MALRD1: variants seen among roughly 807,000 people sequenced by gnomAD.
MALRD1 encodes MAM and LDL receptor class A domain containing 1.
In MALRD1, 247 loss-of-function variants were observed where a neutral mutation model predicts 242.1. That is an observed-to-expected ratio of 1.02 (90% CI 0.92 to 1.13). MALRD1 has a LOEUF of 1.13. MALRD1 is among the 50% of genes most tolerant of loss of function. MALRD1 has a pLI of 0.00. For synonymous variants in MALRD1, 995 were observed against 866.6 expected (o/e 1.15, Z -2.60); for missense variants, 2,989 against 2,533.1 (o/e 1.18, Z -3.86).
chr10:19,146,181 T>C lies in MALRD1; in HGVS notation c.1412-17T>C. 9 of 1,231,628 alleles carry C rather than the reference T, an allele frequency of 7.3e-6. No homozygotes were observed. Among genetic ancestry groups the C allele is most frequent in the Non-Finnish European group, 9.1e-6 (9 of 987,884 alleles). The allele number at this position is 1,231,628 out of a possible 1,614,324, so 76.3% of individuals were successfully genotyped here. ...TCTTCATTTCTCCTCACCTGTTTTC[T>C]CTTCTACGTGTAACAGCAAAGCATC... On this transcript the variant is annotated splice_polypyrimidine_tract_variant and intron_variant, in intron 10 of 39. Coordinates refer to ENST00000454679, the MANE Select transcript of MALRD1 (RefSeq NM_001142308.3).
intron 26 of MALRD1, among the ~76,000 whole-genome samples, chr10:19,387,044 G>A (rs1055131133): frequency 3.9e-5 from 6 of 152,108 alleles, no homozygotes; most frequent in African/African-American, 1.4e-4. Flanking sequence ...TATATGCATA[G>A]CCGTGCTTCT....
At chr10:19,671,526 G>A (rs1841918526) in intron 36 of MALRD1, among the ~76,000 whole-genome samples, 1 of 151,900 alleles carries the variant, frequency 6.6e-6, no homozygotes, top group Admixed American at 6.6e-5. Flanking sequence ...GTTGAGGCAA[G>A]AGAACCACTT....
At chr10:19,685,519 A>G (rs963347635) in intron 36 of MALRD1, among the ~76,000 whole-genome samples, 2 of 152,156 alleles carry the variant, frequency 1.3e-5, no homozygotes, top group African/African-American at 2.4e-5. Context: ...CGAAGACCCA[A>G]TTCAAACTGG....
At chr10:19,377,648 T>TC (rs1845667467) in intron 26 of MALRD1, among the ~76,000 whole-genome samples, 1 of 151,804 alleles carries the variant, frequency 6.6e-6, no homozygotes, top group Non-Finnish European at 1.5e-5. Context: ...TATTTTTTTT[T>TC]CATTTTTGAT....
chr10:19,556,049 A>G (rs181965164), intron 32 of MALRD1, among the ~76,000 whole-genome samples: 1 of 152,246 alleles, frequency 6.6e-6, no homozygotes, highest in Non-Finnish European at 1.5e-5. Context: ...AAATAAGGAA[A>G]ATTCTCTCAC....
At position 19,535,078 on chromosome 10, in the gene MALRD1, G is replaced by A. The variant is rs768821147; in HGVS notation, c.5478+3727G>A. On this transcript the variant is annotated intron_variant, in intron 32 of 39. Transcript: ENST00000454679. ...CTTTCGTATTTTTAGTAGAGATGGC[G>A]TTTCACCATGTTGGCCAGGCTGGTC... 4.6e-5 allele frequency among the ~76,000 whole-genome samples: 7 copies of A among 152,160 alleles called. No homozygotes were observed. The South Asian group carries it at 6.2e-4, about 14-fold the overall frequency.
chr10:19,641,879 G>A (rs1254296372), intron 36 of MALRD1, among the ~76,000 whole-genome samples: 2 of 152,060 alleles, frequency 1.3e-5, no homozygotes, highest in African/African-American at 4.8e-5. Context: ...GACCCAAGTG[G>A]TGTTACAACC....
chr10:19,493,835 C>T (rs186632926), intron 30 of MALRD1, among the ~76,000 whole-genome samples: 182 of 151,646 alleles, frequency 1.2e-3, no homozygotes, highest in African/African-American at 3.8e-3. Flanking sequence ...ACAAAAAACA[C>T]GACAAAAGTG....
At chr10:19,151,142 T>G (rs1278533089) in intron 11 of MALRD1, among the ~76,000 whole-genome samples, 1 of 152,160 alleles carries the variant, frequency 6.6e-6, no homozygotes, top group African/African-American at 2.4e-5. Flanking sequence ...TGTACAATGA[T>G]TTCTCATATG....
Position 19,048,991 on chromosome 10 carries a change from G to T in MALRD1, c.53G>T (p.Cys18Phe), listed in dbSNP as rs1395959081. Residue 18 changes from cysteine to phenylalanine, a missense_variant, in exon 1 of 40, where the codon TGT becomes TTT. By Grantham distance (205) the Cys-to-Phe change is radical (BLOSUM62 -2). Transcript: ENST00000454679. ...GCATTCCCCATGAATGAAACTTTTTGTTGCCTTTGGATTGCCTGTGTTTTC... is the reference window on the plus strand; with the variant it reads ...GCATTCCCCATGAATGAAACTTTTTTTTGCCTTTGGATTGCCTGTGTTTTC... The part of the protein sequence containing the change: ...MLAFPMNETF[C>F]CLWIACVFNS... The T allele has an allele frequency of 2.1e-5, 26 of 1,233,760 alleles. No individual in the cohort carries two copies. The highest frequency in any genetic ancestry group is 2.5e-5 in the Non-Finnish European group (25 of 988,146). 76.4% of individuals were successfully genotyped at this position (1,233,760 alleles called of 1,614,324 possible).
chr10:19,471,593 T>C (rs754421069), intron 29 of MALRD1, among the ~76,000 whole-genome samples: 10 of 139,174 alleles, frequency 7.2e-5, no homozygotes, highest in Non-Finnish European at 1.4e-4. Flanking sequence ...TATTTGTCCC[T>C]TTTCCTATTT....
chr10:19,103,086 TG>T (rs1331158201), intron 4 of MALRD1, among the ~76,000 whole-genome samples: 4 of 151,796 alleles, frequency 2.6e-5, no homozygotes, highest in African/African-American at 9.7e-5. Flanking sequence ...TGACCTCAAG[TG>T]ATTCACCTGC....
Position 19,257,711 on chromosome 10 carries a change from G to A in MALRD1, c.3019G>A (p.Gly1007Ser). 1 of 1,540,788 alleles carries A rather than the reference G, an allele frequency of 6.5e-7. No homozygotes were observed. The highest frequency in any genetic ancestry group is 8.8e-7 in the Non-Finnish European group (1 of 1,141,228). Residue 1007 changes from glycine to serine, a missense_variant, in exon 19 of 40, where the codon GGC becomes AGC. Transcript: ENST00000454679. The part of the protein sequence containing the change: ...QILVEASVGD[G>S]FTGDIAIDDL... ...ATTGGTGGAGGCTTCAGTGGGAGAT[G>A]GCTTCACTGGAGATATTGCGATTGA...
chr10:19,709,284 G>C (rs1185042136), intron 38 of MALRD1, among the ~76,000 whole-genome samples: 1 of 150,162 alleles, frequency 6.7e-6, no homozygotes, highest in African/African-American at 2.5e-5. Context: ...AAATTAGCCA[G>C]GCATGGTGGC....
At chr10:19,075,257 A>G (rs1376045618) in intron 2 of MALRD1, among the ~76,000 whole-genome samples, 3 of 151,988 alleles carry the variant, frequency 2.0e-5, no homozygotes, top group Non-Finnish European at 2.9e-5. Flanking sequence ...CCAATTTCCT[A>G]TCCTCTGGTT....
At chr10:19,608,760 T>C (rs1838752153) in intron 35 of MALRD1, among the ~76,000 whole-genome samples, 1 of 152,068 alleles carries the variant, frequency 6.6e-6, no homozygotes, top group Non-Finnish European at 1.5e-5. Context: ...AAAGTCTTAT[T>C]TTTTTATACT....
intron 31 of MALRD1, among the ~76,000 whole-genome samples, chr10:19,502,053 A>G (rs1426875229): frequency 6.6e-6 from 1 of 151,508 alleles, no homozygotes; most frequent in Non-Finnish European, 1.5e-5. Context: ...AAAGAAAAGA[A>G]GAAGCAAGTA....
At chr10:19,242,108 A>G (rs1838812706) in intron 18 of MALRD1, among the ~76,000 whole-genome samples, 1 of 152,172 alleles carries the variant, frequency 6.6e-6, no homozygotes, top group African/African-American at 2.4e-5. Context: ...TACAGAGAAA[A>G]AGAGGTTTAG....
chr10:19,620,229 G>A (rs562605115), intron 36 of MALRD1, among the ~76,000 whole-genome samples: 2 of 151,898 alleles, frequency 1.3e-5, no homozygotes, highest in South Asian at 4.2e-4. Context: ...TAGGTTTGTT[G>A]TCTCAGAGGT....
Sources: allele counts gnomAD v4.1 joint callset (sites outside exome capture counted in the v4.1 genomes callset), GRCh38; gene constraint gnomAD v4.1.1; transcripts MANE v1.5; gene names NCBI Gene and HGNC (gene_info 2026-07-23, HGNC 2026-07-21).